The following PPARGC1A variants were observed in gnomAD, a reference collection of about 807,000 sequenced individuals.
PPARGC1A encodes the protein PPARG coactivator 1 alpha.
Under a neutral mutation model 88.7 loss-of-function variants are expected in PPARGC1A, and 25 were observed. The observed-to-expected ratio is 0.28, with a 90% CI of 0.21 to 0.39. PPARGC1A has a LOEUF of 0.39. PPARGC1A is among the 10% of genes least tolerant of loss of function. PPARGC1A has a pLI of 1.00. For synonymous variants in PPARGC1A, 363 were observed against 355.6 expected (o/e 1.02, Z -0.24); for missense variants, 880 against 968.7 (o/e 0.91, Z 1.22).
the PPARGC1A span, among the ~76,000 whole-genome samples, chr4:24,454,995 C>G: frequency 2.6e-5 from 4 of 152,006 alleles, 1 homozygote; most frequent in Middle Eastern, 0.014. Flanking sequence ...GCAGGAAAGT[C>G]AATTAGGGAG....
At chr4:24,120,509 C>T in the PPARGC1A span, among the ~76,000 whole-genome samples, 20 of 152,124 alleles carry the variant, frequency 1.3e-4, no homozygotes, top group Non-Finnish European at 2.5e-4. Context: ...CCCATTTTCC[C>T]ATTTTATAGA....
the PPARGC1A span, among the ~76,000 whole-genome samples, chr4:24,057,501 G>C: frequency 2.0e-5 from 3 of 150,064 alleles, no homozygotes; most frequent in African/African-American, 7.3e-5. Flanking sequence ...CTGAAGAAAA[G>C]GGAAGCAATG....
chr4:24,033,413 A>ACACACG, the PPARGC1A span, among the ~76,000 whole-genome samples: 1 of 133,370 alleles, frequency 7.5e-6, no homozygotes, highest in Non-Finnish European at 1.5e-5. Context: ...ACAGACAGAC[A>ACACACG]CACACACACA....
At chr4:24,069,839 A>T in the PPARGC1A span, among the ~76,000 whole-genome samples, 142 of 152,300 alleles carry the variant, frequency 9.3e-4, no homozygotes, top group African/African-American at 3.2e-3. Flanking sequence ...CTGACAATAA[A>T]CTTTAAAAAT....
chr4:23,867,260 T>C (rs933589546), intron 2 of PPARGC1A, among the ~76,000 whole-genome samples: 1 of 152,224 alleles, frequency 6.6e-6, no homozygotes, highest in Non-Finnish European at 1.5e-5. Context: ...AGTCTGTCTT[T>C]CTCACTAGCC....
At chr4:24,191,893 A>G in the PPARGC1A span, among the ~76,000 whole-genome samples, 25 of 152,310 alleles carry the variant, frequency 1.6e-4, no homozygotes, top group African/African-American at 5.8e-4. Context: ...AGTGAGAAAG[A>G]AGCAAAAAGC....
chr4:23,795,294 TATATATATATATA>T lies in PPARGC1A; in HGVS notation c.*515_*527del, dbSNP rs1577310542. On this transcript the variant is annotated 3_prime_UTR_variant, in exon 13 of 13. Coordinates refer to ENST00000264867, the MANE Select transcript of PPARGC1A (RefSeq NM_013261.5). ...TTAGTTTTCTTTCCTTTTTAATTTATATATATATATATATATATATATATATATATATATATTT... is the reference window on the plus strand; with the variant it reads ...TTAGTTTTCTTTCCTTTTTAATTTATTATATATATATATATATATATATTT... 1 of 1,824 alleles carries T rather than the reference TATATATATATATA, an allele frequency of 5.5e-4. No individual in the cohort carries two copies. Among genetic ancestry groups the T allele is most frequent in the Non-Finnish European group, 2.1e-3 (1 of 482 alleles). 0.1% of individuals were successfully genotyped at this position (1,824 alleles called of 1,614,324 possible).
At chr4:23,952,995 C>G in the PPARGC1A span, among the ~76,000 whole-genome samples, 1 of 151,956 alleles carries the variant, frequency 6.6e-6, no homozygotes, top group African/African-American at 2.4e-5. Flanking sequence ...TGCATTACAA[C>G]CTTCCTTTCT....
the PPARGC1A span, among the ~76,000 whole-genome samples, chr4:24,095,879 C>G: frequency 6.6e-6 from 1 of 152,152 alleles, no homozygotes; most frequent in Non-Finnish European, 1.5e-5. Context: ...ATCACATTCA[C>G]AAGGGAGAAG....
At chr4:24,204,350 GC>G in the PPARGC1A span, among the ~76,000 whole-genome samples, 1 of 152,052 alleles carries the variant, frequency 6.6e-6, no homozygotes, top group African/African-American at 2.4e-5. Context: ...TTCTTTGAGG[GC>G]AAAAAACCTT....
chr4:24,164,359 A>G, the PPARGC1A span, among the ~76,000 whole-genome samples: 1 of 152,264 alleles, frequency 6.6e-6, no homozygotes, highest in East Asian at 1.9e-4. Context: ...CAGCACAAAC[A>G]CAGCAGCACT....
the PPARGC1A span, among the ~76,000 whole-genome samples, chr4:23,931,569 C>T: frequency 1.3e-5 from 2 of 152,092 alleles, no homozygotes; most frequent in Non-Finnish European, 2.9e-5. Context: ...CTGATTCATT[C>T]ACAAAGCAGA....
At chr4:24,222,274 G>C in the PPARGC1A span, among the ~76,000 whole-genome samples, 1 of 152,184 alleles carries the variant, frequency 6.6e-6, no homozygotes, top group African/African-American at 2.4e-5. Flanking sequence ...TGTGCATTAC[G>C]CTTGTGAGAG....
At chr4:23,985,887 T>C in the PPARGC1A span, among the ~76,000 whole-genome samples, 1 of 152,012 alleles carries the variant, frequency 6.6e-6, no homozygotes, top group Non-Finnish European at 1.5e-5. Flanking sequence ...CAATGGTAAA[T>C]TAACTTGAAA....
the PPARGC1A span, among the ~76,000 whole-genome samples, chr4:24,123,575 A>T: frequency 3.9e-5 from 6 of 152,152 alleles, no homozygotes; most frequent in Non-Finnish European, 8.8e-5. Flanking sequence ...GAGGTTAAAA[A>T]AAAGGAGCTG....
At chr4:24,238,743 A>ATATGTG in the PPARGC1A span, among the ~76,000 whole-genome samples, 1 of 118,542 alleles carries the variant, frequency 8.4e-6, no homozygotes, top group Non-Finnish European at 1.8e-5. Context: ...CCAAGGTTGT[A>ATATGTG]TATGTGTGTG....
In PPARGC1A at chr4:23,802,058, C is replaced by G. The variant is rs145046715; in HGVS notation, c.2141+166G>C. On this transcript the variant is annotated intron_variant, in intron 11 of 12. Coordinates refer to ENST00000264867, the MANE Select transcript of PPARGC1A (RefSeq NM_013261.5). Reference sequence around the variant, plus strand: ...TTATTTCTGGGACAGGAAATCTCAACTAGAAAGATTAATAAACAGGGATGA... The same window carrying G: ...TTATTTCTGGGACAGGAAATCTCAAGTAGAAAGATTAATAAACAGGGATGA... 2.9e-3 allele frequency among the ~76,000 whole-genome samples: 441 copies of G among 152,194 alleles called. 1 individual carries two copies. Among genetic ancestry groups the G allele is most frequent in the African/African-American group, 1.0e-2 (415 of 41,512 alleles).
At chr4:24,363,299 C>T in the PPARGC1A span, among the ~76,000 whole-genome samples, 2 of 152,314 alleles carry the variant, frequency 1.3e-5, no homozygotes, top group South Asian at 4.1e-4. Context: ...CGATCTAACA[C>T]TCATGTTGGC....
the PPARGC1A span, among the ~76,000 whole-genome samples, chr4:23,928,770 C>CAAAAAAAAAAAAAAA: frequency 7.3e-6 from 1 of 136,210 alleles, no homozygotes; most frequent in Non-Finnish European, 1.6e-5. Flanking sequence ...ACAAAAAAAA[C>CAAAAAAAAAAAAAAA]AAAAAAAAAC....
Sources: gnomAD v4.1 joint callset for allele counts (sites outside exome capture counted in the v4.1 genomes callset) on GRCh38, gnomAD v4.1.1 for gene constraint, MANE v1.5 for transcripts, NCBI Gene and HGNC (gene_info 2026-07-23, HGNC 2026-07-21) for gene names.